Variants in MED25 observed in about 807,000 individuals in gnomAD.
MED25 encodes mediator complex subunit 25.
In MED25, 62 loss-of-function variants were observed where a neutral mutation model predicts 89.4. The observed-to-expected ratio is 0.69, with a 90% confidence interval of 0.57 to 0.86. MED25 has a LOEUF of 0.86. Ranked by LOEUF, MED25 falls within the 40% of genes least tolerant of loss-of-function variation. MED25 has a pLI of 0.00. For missense variants in MED25, 905 were observed against 1,005.2 expected (o/e 0.90, Z 1.35); for synonymous variants, 449 against 427.9 (o/e 1.05, Z -0.61).
In MED25 at chr19:49,829,116, G is replaced by C. The variant is rs774021885; in HGVS notation, c.525+26G>C. The C allele has an allele frequency of 6.2e-7, 1 of 1,604,462 alleles. No homozygotes were observed. Among genetic ancestry groups the C allele is most frequent in the Non-Finnish European group, 8.5e-7 (1 of 1,174,358 alleles). On this transcript the variant is annotated intron_variant, in intron 5 of 17. Transcript: ENST00000312865. The surrounding 1 kb of genome is among the most constrained non-coding windows in gnomAD (Gnocchi z 4.6). ...GTGAGGACTCCAGGGTCTGAGGGAC[G>C]AGGGTCTGGGGGCCCGGAGTCTTGG...
chr19:49,839,401 C>T (rs1452080175), downstream of MED25: 1 of 157,186 alleles, frequency 6.4e-6, no homozygotes, highest in Admixed American at 6.0e-5. Context: ...TTCTGAGCAA[C>T]TGAACAGAAC....
chr19:49,831,599 C>T lies in MED25; in HGVS notation c.1230+138C>T, dbSNP rs542320017. 39 of 1,149,268 alleles carry T rather than the reference C, an allele frequency of 3.4e-5. No homozygotes were observed. Among genetic ancestry groups the T allele is most frequent in the Middle Eastern group, 2.6e-4 (1 of 3,786 alleles). The allele number at this position is 1,149,268 out of a possible 1,614,324, so 71.2% of individuals were successfully genotyped here. A position where few individuals can be genotyped will look rare whatever the true frequency, so the allele number is the denominator to read the frequency against. On this transcript the variant is annotated intron_variant, in intron 10 of 17. Transcript: ENST00000312865. This position sits in a 1 kb window ranked among gnomAD's most constrained non-coding sequence, Gnocchi z 5.0. ...TTCGTTGCGCTGGACCTGTGGGATG[C>T]GGGGCGAGGCCAGGAGCCCCATGGA... is the stretch of plus-strand genomic sequence containing the variant.
At chr19:49,826,239 G>A (rs978581264) in intron 3 of MED25, among the ~76,000 whole-genome samples, 1 of 152,214 alleles carries the variant, frequency 6.6e-6, no homozygotes, top group African/African-American at 2.4e-5. Flanking sequence ...TACGAGGGAG[G>A]CTGAGGCAGG....
Position 49,830,964 on chromosome 19 carries a change from T to C in MED25, c.1101+77T>C. 1.4e-6 allele frequency: 2 copies of C among 1,477,484 alleles called. No homozygotes were observed. The highest frequency in any genetic ancestry group is 9.3e-7 in the Non-Finnish European group (1 of 1,071,556). The allele number at this position is 1,477,484 out of a possible 1,614,324, so 91.5% of individuals were successfully genotyped here. A position where few individuals can be genotyped will look rare whatever the true frequency, so the allele number is the denominator to read the frequency against. ...CTAGGACAGTTAGAGGATGAGTCAT[T>C]TGCCTTCCAGGGGGATGTGGCTCTC... On this transcript the variant is annotated intron_variant, in intron 9 of 17. Transcript: ENST00000312865. This position sits in a 1 kb window ranked among gnomAD's most constrained non-coding sequence, Gnocchi z 4.6.
downstream of MED25, chr19:49,838,561 C>T (rs1045793466): frequency 2.2e-6 from 1 of 457,328 alleles, no homozygotes; most frequent in South Asian, 1.5e-5. Flanking sequence ...CTTTCTTGTA[C>T]CCATGTCTCT....
chr19:49,824,932 G>A (rs575621047), intron 3 of MED25, among the ~76,000 whole-genome samples: 1 of 152,280 alleles, frequency 6.6e-6, no homozygotes, highest in East Asian at 1.9e-4. Context: ...GAACAAATGG[G>A]AGTAAGTTAG....
chr19:49,836,398 C>T lies in MED25; in HGVS notation c.2138C>T (p.Pro713Leu). 6.3e-7 allele frequency: 1 copy of T among 1,594,260 alleles called. No homozygotes were observed. The highest frequency in any genetic ancestry group is 1.3e-5 in the African/African-American group (1 of 74,556). Residue 713 changes from proline to leucine, a missense_variant, in exon 17 of 18, where the codon CCA becomes CTA. Physicochemically the swap from Pro to Leu is moderately conservative, Grantham distance 98. Transcript: ENST00000312865. The surrounding 1 kb of genome is among the most constrained non-coding windows in gnomAD (Gnocchi z 5.1). ...CCCGCACAACTTCCCCCTCGGGCTC[C>T]ACTGCCAGGTAAGGGGACCCGGGGG... Reference protein sequence around the residue: ...SWPAQLPPRAPLPGQMLLSGG... With the variant: ...SWPAQLPPRALLPGQMLLSGG...
Position 49,830,748 on chromosome 19 carries a change from G to A in MED25, c.962G>A (p.Ser321Asn), listed in dbSNP as rs377259236. 3 of 1,613,490 alleles carry A rather than the reference G, an allele frequency of 1.9e-6. No homozygotes were observed. The highest frequency in any genetic ancestry group is 2.7e-5 in the African/African-American group (2 of 74,814). ...GCTCCCGGAGTGGGTCCCCCCTTCA[G>A]CCAGGCCCCAGCTCCCCAACTACCC... is the stretch of plus-strand genomic sequence containing the variant. ...QAAPGVGPPF[S>N]QAPAPQLPPG... The change falls in exon 9 of 18, where the codon AGC (serine) becomes AAC (asparagine). Residue 321 changes from serine (S) to asparagine (N), a missense_variant. Physicochemically the swap from Ser to Asn is conservative, Grantham distance 46. Around this residue, in one of 3 missense-constraint regions of MED25, gnomAD observed 501 missense variants for 526.9 expected, o/e 0.95. Transcript: ENST00000312865. The surrounding 1 kb of genome is among the most constrained non-coding windows in gnomAD (Gnocchi z 4.6).
rs1413616234 is a variant in MED25, at chr19:49,829,712, G to A, written c.526-74G>A. ...GGTGCCGTCCAGCCACACAGCAGTT[G>A]TGGTAGGTTGGGGGCCGGCCCCAAC... On this transcript the variant is annotated intron_variant, in intron 5 of 17. Coordinates refer to ENST00000312865, the MANE Select transcript of MED25 (RefSeq NM_030973.4). This position sits in a 1 kb window ranked among gnomAD's most constrained non-coding sequence, Gnocchi z 4.6. The A allele has an allele frequency of 2.0e-6, 3 of 1,472,962 alleles. No homozygotes were observed. The highest frequency in any genetic ancestry group is 1.2e-5 in the South Asian group (1 of 81,990). The allele number at this position is 1,472,962 out of a possible 1,614,324, so 91.2% of individuals were successfully genotyped here. A position where few individuals can be genotyped will look rare whatever the true frequency, so the allele number is the denominator to read the frequency against.
intron 3 of MED25, among the ~76,000 whole-genome samples, chr19:49,823,367 G>A (rs1463357162): frequency 3.3e-5 from 5 of 152,202 alleles, no homozygotes; most frequent in African/African-American, 9.7e-5. Flanking sequence ...GCTGGGTGCT[G>A]TATTGGGGGC....
rs1176600674 is a variant in MED25 at position 49,834,758 on chromosome 19, T to G, written c.1483-228T>G. 6 of 582,674 alleles carry G rather than the reference T, an allele frequency of 1.0e-5. No homozygotes were observed. Among genetic ancestry groups the G allele is most frequent in the Non-Finnish European group, 1.5e-5 (5 of 325,986 alleles). 36.1% of individuals were successfully genotyped at this position (582,674 alleles called of 1,614,324 possible). A position where few individuals can be genotyped will look rare whatever the true frequency, so the allele number is the denominator to read the frequency against. Reference sequence around the variant, plus strand: ...GGTTGAAGAGCTGGGCTCCAGCACTTTCTCTCCGCTTTCCCTCTCAGTGGG... The same window carrying G: ...GGTTGAAGAGCTGGGCTCCAGCACTGTCTCTCCGCTTTCCCTCTCAGTGGG... On this transcript the variant is annotated intron_variant, in intron 13 of 17. Transcript: ENST00000312865. This position sits in a 1 kb window ranked among gnomAD's most constrained non-coding sequence, Gnocchi z 4.1.
downstream of MED25, chr19:49,839,111 T>C (rs1416861071): frequency 3.6e-6 from 1 of 277,394 alleles, no homozygotes; most frequent in Non-Finnish European, 7.0e-6. Context: ...GCTCATAAAC[T>C]ATTACCACCC....
rs1370793318 is a variant in MED25 at position 49,829,596 on chromosome 19, A to C, written c.526-190A>C. 6.6e-6 allele frequency among the ~76,000 whole-genome samples: 1 copy of C among 152,158 alleles called. No individual in the cohort carries two copies. The highest frequency in any genetic ancestry group is 1.9e-4 in the East Asian group (1 of 5,184). ...ACCTGGCCCACTTAGTCTTACTGAC[A>C]AAACTAGAACCCAGAGTCTCCCGGG... On this transcript the variant is annotated intron_variant, in intron 5 of 17. Coordinates refer to ENST00000312865, the MANE Select transcript of MED25 (RefSeq NM_030973.4). The surrounding 1 kb of genome is among the most constrained non-coding windows in gnomAD (Gnocchi z 4.6).
intron 3 of MED25, among the ~76,000 whole-genome samples, chr19:49,823,836 T>C (rs1165285354): frequency 1.3e-5 from 2 of 152,118 alleles, no homozygotes; most frequent in Non-Finnish European, 1.5e-5. Flanking sequence ...TCATTCCTTG[T>C]AGTGGGGGCC....
intron 3 of MED25, among the ~76,000 whole-genome samples, chr19:49,827,717 A>G (rs1316084314): frequency 6.6e-6 from 1 of 152,188 alleles, no homozygotes; most frequent in Non-Finnish European, 1.5e-5. Context: ...AAGGGGGCAC[A>G]CTTGAACCCA....
rs149030211 is a variant in MED25 at position 49,832,019 on chromosome 19, C to T, written c.1314C>T (p.Asn438=). Residue 438 remains asparagine, a splice_region_variant and synonymous_variant, in exon 11 of 18, where the codon AAC becomes AAT. Coordinates refer to ENST00000312865, the MANE Select transcript of MED25 (RefSeq NM_030973.4). ...PCQVYVNHGE[N]LKTEQWPQKL... Reference sequence around the variant, plus strand: ...AGGTCTACGTGAATCATGGCGAGAACCTGTAGGTGACAGTCAGGGGCGGGG... The same window carrying T: ...AGGTCTACGTGAATCATGGCGAGAATCTGTAGGTGACAGTCAGGGGCGGGG... 6.2e-7 allele frequency: 1 copy of T among 1,614,132 alleles called. No homozygotes were observed. Among genetic ancestry groups the T allele is most frequent in the Non-Finnish European group, 8.5e-7 (1 of 1,180,002 alleles).
In MED25 at chr19:49,835,776, C is replaced by T. The variant is rs2074092273; in HGVS notation, c.1796C>T (p.Ser599Phe). 1.9e-6 allele frequency: 3 copies of T among 1,609,480 alleles called. No individual in the cohort carries two copies. Among genetic ancestry groups the T allele is most frequent in the Non-Finnish European group, 2.5e-6 (3 of 1,177,632 alleles). The change falls in exon 16 of 18, where the codon TCT becomes TTT. Residue 599 changes from serine (S) to phenylalanine (F), a missense_variant. By Grantham distance (155) the Ser-to-Phe change is radical. Coordinates refer to ENST00000312865, the MANE Select transcript of MED25 (RefSeq NM_030973.4). The surrounding 1 kb of genome is among the most constrained non-coding windows in gnomAD (Gnocchi z 6.2). ...QPQPQGTVGA[S>F]GATGQPQPQG... is the part of the protein sequence containing the mutation. ...CAGCCTCAGGGTACCGTAGGGGCCT[C>T]TGGGGCCACGGGGCAGCCCCAGCCC...
intron 3 of MED25, 88 bp from the exon 4 acceptor site, chr19:49,828,361 G>A (rs947335463): frequency 1.1e-6 from 1 of 895,744 alleles, no homozygotes; most frequent in Non-Finnish European, 1.9e-6. Flanking sequence ...AGGATAGAGT[G>A]GGGGACAGCA....
At position 49,829,857 on chromosome 19, in the gene MED25, C is replaced by G. The variant is rs149788020; in HGVS notation, c.597C>G (p.Ala199=). The change falls in exon 6 of 18, where the codon GCC becomes GCG. Residue 199 remains alanine, a synonymous_variant. Transcript: ENST00000312865. This position sits in a 1 kb window ranked among gnomAD's most constrained non-coding sequence, Gnocchi z 4.6. ...PALRLLFEKA[A]PPALLEPLQP... ...TTCGGCTTCTGTTTGAGAAGGCAGC[C>G]CCCCCGGCCTTGCTGGAGCCGCTGC... The G allele has an allele frequency of 3.1e-6, 5 of 1,612,502 alleles. No individual in the cohort carries two copies. The highest frequency in any genetic ancestry group is 1.7e-5 in the Admixed American group (1 of 59,840).
Sources: gnomAD v4.1 joint callset for allele counts (sites outside exome capture counted in the v4.1 genomes callset) on GRCh38, gnomAD v4.1.1 for gene constraint, gnomAD v4.1.1 regional missense constraint, Gnocchi (gnomAD v3.1) non-coding constraint, MANE v1.5 for transcripts, NCBI Gene and HGNC (gene_info 2026-07-23, HGNC 2026-07-21) for gene names.